Variants in ARHGEF37 observed in about 807,000 individuals in gnomAD.
ARHGEF37 encodes the protein Rho guanine nucleotide exchange factor (GEF) 37.
In ARHGEF37, 55 loss-of-function variants were observed where a neutral mutation model predicts 71.1. That is an observed-to-expected ratio of 0.77 (90% CI 0.62 to 0.97). ARHGEF37 has a LOEUF of 0.97. Ranked by LOEUF, ARHGEF37 falls within the 50% of genes least tolerant of loss-of-function variation. ARHGEF37 has a pLI of 0.00. For synonymous variants in ARHGEF37, 327 were observed against 350.6 expected (o/e 0.93, Z 0.75); for missense variants, 765 against 836.8 (o/e 0.91, Z 1.06).
At chr5:149,564,336 A>C (rs932279227) in intron 1 of ARHGEF37, among the ~76,000 whole-genome samples, 1 of 152,170 alleles carries the variant, frequency 6.6e-6, no homozygotes, top group African/African-American at 2.4e-5. Context: ...AGATAGGGCA[A>C]CTTAAGCCCA....
chr5:149,629,010 C>T, intron 12 of ARHGEF37, 44 bp downstream of exon 12: 1 of 1,581,992 alleles, frequency 6.3e-7, no homozygotes, highest in Non-Finnish European at 8.6e-7. Flanking sequence ...CATCGGCCAT[C>T]CGGACTGTGG....
At chr5:149,575,887 C>G (rs1013511028) in intron 1 of ARHGEF37, among the ~76,000 whole-genome samples, 3 of 151,590 alleles carry the variant, frequency 2.0e-5, no homozygotes, top group Non-Finnish European at 2.9e-5. Context: ...CGTCCCCCCC[C>G]TCAAAAAATA....
At chr5:149,577,201 T>C (rs1763037440), upstream of ARHGEF37, among the ~76,000 whole-genome samples, 1 of 152,146 alleles carries the variant, frequency 6.6e-6, no homozygotes, top group South Asian at 2.1e-4. Context: ...GCAAATAATA[T>C]CTATCATAGG....
chr5:149,622,996 C>T (rs900807466), intron 9 of ARHGEF37, among the ~76,000 whole-genome samples: 2 of 152,134 alleles, frequency 1.3e-5, no homozygotes. Context: ...ATTTGCCTTC[C>T]CCACCCCATC....
intron 8 of ARHGEF37, 34 bp downstream of exon 8, chr5:149,620,498 TAGGC>T: frequency 1.3e-6 from 2 of 1,513,794 alleles, no homozygotes; most frequent in Non-Finnish European, 1.8e-6. Flanking sequence ...CTTTCTTTGT[TAGGC>T]AGGTGGTAGA....
At chr5:149,609,097 TG>T (rs1763997846) in intron 3 of ARHGEF37, among the ~76,000 whole-genome samples, 1 of 151,964 alleles carries the variant, frequency 6.6e-6, no homozygotes, top group South Asian at 2.1e-4. Flanking sequence ...AGGCAGAGAA[TG>T]GCATGAACCT....
At chr5:149,561,514 A>G (rs1337573765) in intron 1 of ARHGEF37, among the ~76,000 whole-genome samples, 1 of 152,184 alleles carries the variant, frequency 6.6e-6, no homozygotes, top group Non-Finnish European at 1.5e-5. Context: ...GTCTGCAATG[A>G]ACACTCTGCA....
chr5:149,616,599 T>G lies in ARHGEF37; in HGVS notation c.491T>G (p.Leu164Trp), dbSNP rs1752389223. Reference sequence around the variant, plus strand: ...GCTGGATCTTCAGGCCTCAGTTTCTTGCTGGTAATTCCTCTGCAGAGGATC... The same window carrying G: ...GCTGGATCTTCAGGCCTCAGTTTCTGGCTGGTAATTCCTCTGCAGAGGATC... ...PQAGSSGLSFLLVIPLQRITR... is the reference protein window; with the variant it reads ...PQAGSSGLSFWLVIPLQRITR... Residue 164 changes from leucine (L) to tryptophan (W), a missense_variant, in exon 5 of 13, where the codon TTG becomes TGG. This residue lies in a region of ARHGEF37 where 201 missense variants were observed against 217.5 expected (regional missense o/e 0.92). Transcript: ENST00000333677. 1 of 1,611,088 alleles carries G rather than the reference T, an allele frequency of 6.2e-7. No individual in the cohort carries two copies. The highest frequency in any genetic ancestry group is 8.5e-7 in the Non-Finnish European group (1 of 1,178,838).
At chr5:149,588,165 G>A (rs1397933782) in intron 1 of ARHGEF37, among the ~76,000 whole-genome samples, 1 of 152,012 alleles carries the variant, frequency 6.6e-6, no homozygotes, top group African/African-American at 2.4e-5. Flanking sequence ...CCAAAGTGCT[G>A]GGATTACAGG....
intron 10 of ARHGEF37, 193 bp from the exon 11 acceptor site, chr5:149,626,883 A>G (rs7732229): frequency 0.097 from 42,733 of 439,634 alleles, 2,800 homozygotes; most frequent in African/African-American, 0.24. Context: ...AGTTTCTTCC[A>G]AAACGCCGTA....
chr5:149,617,240 A>C (rs1752407695), intron 5 of ARHGEF37, among the ~76,000 whole-genome samples: 1 of 152,184 alleles, frequency 6.6e-6, no homozygotes, highest in Non-Finnish European at 1.5e-5. Flanking sequence ...GGGGTTTGGA[A>C]TTATATAAAT....
intron 1 of ARHGEF37, among the ~76,000 whole-genome samples, chr5:149,587,279 C>T (rs1580894071): frequency 6.6e-6 from 1 of 152,072 alleles, no homozygotes; most frequent in Non-Finnish European, 1.5e-5. Flanking sequence ...GTTTATGGCA[C>T]CTGCTTAAAT....
Position 149,607,755 on chromosome 5 carries a change from CTTTTTTT to C in ARHGEF37, c.311-1774_311-1768del, listed in dbSNP as rs67079479. ...GGTGGGGAGAATTATAAAGAAACTT[CTTTTTTT>C]TTTTTTTTTTTTTTTTTTGAGATGG... is the stretch of plus-strand genomic sequence containing the variant. On this transcript the variant is annotated intron_variant, in intron 3 of 12. Coordinates refer to ENST00000333677, the MANE Select transcript of ARHGEF37 (RefSeq NM_001001669.3). Among the ~76,000 whole-genome samples, 388 of 83,134 alleles carry C rather than the reference CTTTTTTT, an allele frequency of 4.7e-3. 1 individual carries two copies. The highest frequency in any genetic ancestry group is 0.019 in the African/African-American group (364 of 19,418). The allele number at this position is 83,134 out of a possible 152,430, so 54.5% of individuals were successfully genotyped here. A position where few individuals can be genotyped will look rare whatever the true frequency, so the allele number is the denominator to read the frequency against.
chr5:149,572,119 G>A (rs913983882), intron 1 of ARHGEF37, among the ~76,000 whole-genome samples: 14 of 152,198 alleles, frequency 9.2e-5, no homozygotes, highest in Admixed American at 7.9e-4. Flanking sequence ...ACCTTGAACT[G>A]AATAGAGAGT....
intron 9 of ARHGEF37, among the ~76,000 whole-genome samples, chr5:149,623,068 A>C (rs1009633221): frequency 3.3e-5 from 5 of 152,152 alleles, no homozygotes; most frequent in African/African-American, 1.2e-4. Context: ...CACTCTGCAC[A>C]GACACCTGCC....
chr5:149,610,325 G>A (rs547496192), intron 4 of ARHGEF37, among the ~76,000 whole-genome samples: 2 of 152,316 alleles, frequency 1.3e-5, no homozygotes, highest in East Asian at 3.9e-4. Context: ...ACATGGAAAA[G>A]GGAGAGTATC....
At chr5:149,565,021 C>A (rs1435237022) in intron 1 of ARHGEF37, among the ~76,000 whole-genome samples, 6 of 152,170 alleles carry the variant, frequency 3.9e-5, no homozygotes, top group African/African-American at 1.4e-4. Context: ...TGAATCTGGA[C>A]AGTCAGATGT....
intron 4 of ARHGEF37, among the ~76,000 whole-genome samples, chr5:149,613,995 C>T (rs1752294910): frequency 6.6e-6 from 1 of 151,746 alleles, no homozygotes; most frequent in African/African-American, 2.4e-5. Context: ...AACTCCTGGA[C>T]TCAAGAAATC....
intron 1 of ARHGEF37, among the ~76,000 whole-genome samples, chr5:149,590,183 A>G (rs1013678269): frequency 3.6e-5 from 5 of 138,436 alleles, no homozygotes; most frequent in Non-Finnish European, 8.1e-5. Flanking sequence ...GCCAGTGTGA[A>G]CAGAAGAGAA....
Sources: gnomAD v4.1 joint callset for allele counts (sites outside exome capture counted in the v4.1 genomes callset) on GRCh38, gnomAD v4.1.1 for gene constraint, gnomAD v4.1.1 regional missense constraint, MANE v1.5 for transcripts, NCBI Gene and HGNC (gene_info 2026-07-23, HGNC 2026-07-21) for gene names.